The following IFI35 variants were observed in gnomAD, a reference collection of about 807,000 sequenced individuals.
IFI35 encodes interferon-induced 35 kDa protein.
In IFI35, 30 loss-of-function variants were observed where a neutral mutation model predicts 28.6. The observed-to-expected ratio is 1.05, with a 90% CI of 0.79 to 1.43. The LOEUF (loss-of-function observed/expected upper bound fraction) is 1.43. Among genes scored for constraint, IFI35 ranks in the 40% most tolerant of loss-of-function variants. IFI35 has a pLI of 0.00. For synonymous variants in IFI35, 146 were observed against 154.8 expected, an observed-to-expected ratio of 0.94 and a Z score of 0.42; for missense variants, 372 against 356.9, an observed-to-expected ratio of 1.04 and a Z score of -0.34.
rs200716829 is a variant in IFI35, at chr17:43,013,893, G to A, written c.669+11G>A. On this transcript the variant is annotated intron_variant, in intron 6 of 6. Coordinates refer to ENST00000415816, the MANE Select transcript of IFI35 (RefSeq NM_001330230.2). ...ATCCAGAAGGCTGAGGTAAGCAGGA[G>A]GGGTGAAGAACAGGGGCTGGGCTGG... 6.0e-5 allele frequency: 94 copies of A among 1,562,756 alleles called. No homozygotes were observed. The highest frequency in any genetic ancestry group is 7.8e-5 in the Non-Finnish European group (90 of 1,147,428).
chr17:43,012,354 C>G (rs1314104231), intron 2 of IFI35, 77 bp downstream of exon 2: 1 of 1,071,814 alleles, frequency 9.3e-7, no homozygotes, highest in Admixed American at 2.2e-5. Context: ...CCTGTAAACC[C>G]AGCACTTTGG....
At chr17:43,012,637 C>T in intron 2 of IFI35, 1 of 230,042 alleles carries the variant, frequency 4.3e-6, no homozygotes. Flanking sequence ...ACTTGGGAGG[C>T]TGAGTCCGAA....
Position 43,006,865 on chromosome 17 carries a change from AC to A in IFI35, c.-82del. ...GAGAGACCACAGCCCTTTGGGGGGTACAAACAAGAGTTCAGTTGCTGTGAAT... is the reference window on the plus strand; with the variant it reads ...GAGAGACCACAGCCCTTTGGGGGGTAAAACAAGAGTTCAGTTGCTGTGAAT... On this transcript the variant is annotated 5_prime_UTR_variant, in exon 1 of 7. Transcript: ENST00000415816. 1.4e-6 allele frequency: 2 copies of A among 1,480,598 alleles called. No homozygotes were observed. The highest frequency in any genetic ancestry group is 2.3e-5 in the East Asian group (1 of 44,194). The allele number at this position is 1,480,598 out of a possible 1,614,324, so 91.7% of individuals were successfully genotyped here.
chr17:43,013,973 C>A, intron 6 of IFI35, 91 bp downstream of exon 6: 1 of 1,281,968 alleles, frequency 7.8e-7, no homozygotes, highest in East Asian at 2.4e-5. Context: ...GGCCCCAAAC[C>A]CCACTGACCT....
chr17:43,010,630 T>G (rs2050450093), intron 1 of IFI35, among the ~76,000 whole-genome samples: 1 of 152,232 alleles, frequency 6.6e-6, no homozygotes, highest in Admixed American at 6.5e-5. Flanking sequence ...TTTTTCACTA[T>G]TCATAAACCA....
intron 2 of IFI35, 22 bp from the exon 3 acceptor site, chr17:43,013,025 T>C: frequency 6.2e-7 from 1 of 1,611,424 alleles, no homozygotes; most frequent in Non-Finnish European, 8.5e-7. Context: ...GGAACACTCC[T>C]ACTCCCCTCC....
At chr17:43,013,910 C>T (rs777779265) in intron 6 of IFI35, 28 bp downstream of exon 6, 9 of 1,501,820 alleles carry the variant, frequency 6.0e-6, no homozygotes, top group Non-Finnish European at 8.2e-6. Context: ...AGAACAGGGG[C>T]TGGGCTGGGT....
In IFI35 at chr17:43,014,110, C is replaced by T; in HGVS notation, c.672C>T (p.Ile224=). 1.2e-6 allele frequency: 2 copies of T among 1,613,674 alleles called. No homozygotes were observed. The highest frequency in any genetic ancestry group is 1.1e-5 in the South Asian group (1 of 91,042). Residue 224 remains isoleucine, a splice_region_variant and synonymous_variant, in exon 7 of 7, where the codon ATC becomes ATT. Transcript: ENST00000415816. Reference sequence around the variant, plus strand: ...CCATCTCCTGGCTCCTTTTCCAGATCAGGTCGCAGCCAGTTCCCCGCTCGG... The same window carrying T: ...CCATCTCCTGGCTCCTTTTCCAGATTAGGTCGCAGCCAGTTCCCCGCTCGG... The part of the protein sequence containing the change: ...YVNGEIQKAE[I]RSQPVPRSVL...
intron 2 of IFI35, 109 bp from the exon 3 acceptor site, chr17:43,012,938 T>A (rs947587253): frequency 2.5e-6 from 3 of 1,195,842 alleles, no homozygotes; most frequent in Admixed American, 2.1e-5. Context: ...AGCTTTTCTT[T>A]CAGTAAATGT....
chr17:43,013,585 C>G lies in IFI35; in HGVS notation c.485C>G (p.Thr162Ser), dbSNP rs1215435767. Residue 162 changes from threonine to serine, a missense_variant, in exon 5 of 7, where the codon ACT (threonine) becomes AGT (serine). Physicochemically the swap from Thr to Ser is moderately conservative, Grantham distance 58. Transcript: ENST00000415816. ...AAGCTAGAGATCTTCTTTGGCAAGA[C>G]TAGGAACGGAGGTGGCGATGTGGAC... ...LDKLEIFFGK[T>S]RNGGGDVDVR... 4 of 1,614,026 alleles carry G rather than the reference C, an allele frequency of 2.5e-6. No individual in the cohort carries two copies. The African/African-American group carries it at 4.0e-5, about 16-fold the overall frequency.
chr17:43,009,578 C>T (rs1191106155), intron 1 of IFI35, among the ~76,000 whole-genome samples: 4 of 151,868 alleles, frequency 2.6e-5, no homozygotes, highest in Non-Finnish European at 5.9e-5. Flanking sequence ...CATGGTGAAA[C>T]CCCATCTCTA....
intron 1 of IFI35, among the ~76,000 whole-genome samples, chr17:43,007,261 T>C (rs1308907702): frequency 6.6e-6 from 1 of 152,138 alleles, no homozygotes; most frequent in Non-Finnish European, 1.5e-5. Flanking sequence ...TAACAATTGT[T>C]CTAGGCCGGG....
At chr17:43,009,962 G>A (rs1204864996) in intron 1 of IFI35, among the ~76,000 whole-genome samples, 2 of 149,636 alleles carry the variant, frequency 1.3e-5, no homozygotes, top group Non-Finnish European at 3.0e-5. Flanking sequence ...AGGGCTGGGC[G>A]CGGTGTCTCA....
At chr17:43,013,752 C>T (rs2050490060) in intron 5 of IFI35, 24 bp from the exon 6 acceptor site, 1 of 1,609,992 alleles carries the variant, frequency 6.2e-7, no homozygotes, top group Non-Finnish European at 8.5e-7. Flanking sequence ...ATGCTAAAGG[C>T]CCACCCCTCC....
chr17:43,009,949 T>G (rs1479496145), intron 1 of IFI35, among the ~76,000 whole-genome samples: 1 of 132,254 alleles, frequency 7.6e-6, no homozygotes, highest in Non-Finnish European at 1.6e-5. Flanking sequence ...GAAAAAAAAA[T>G]AGAGGGCTGG....
chr17:43,007,408 G>A (rs961527690), intron 1 of IFI35, among the ~76,000 whole-genome samples: 3 of 151,580 alleles, frequency 2.0e-5, no homozygotes, highest in African/African-American at 4.9e-5. Context: ...GGGAGGCTGA[G>A]ACAGGAGAAT....
chr17:43,010,662 GTA>G (rs2050450285), intron 1 of IFI35, among the ~76,000 whole-genome samples: 1 of 152,156 alleles, frequency 6.6e-6, no homozygotes, highest in African/African-American at 2.4e-5. Flanking sequence ...TCAAGCTCTA[GTA>G]TTCTTCTGCT....
intron 1 of IFI35, among the ~76,000 whole-genome samples, chr17:43,010,489 A>T (rs1302788928): frequency 3.9e-5 from 6 of 152,224 alleles, no homozygotes; most frequent in African/African-American, 1.4e-4. Context: ...TGCTCTTCCC[A>T]GTGCGTCAGA....
At position 43,013,663 on chromosome 17, in the gene IFI35, G is replaced by T; in HGVS notation, c.562+1G>T. On this transcript the variant is annotated splice_donor_variant, in intron 5 of 6. Coordinates refer to ENST00000415816, the MANE Select transcript of IFI35 (RefSeq NM_001330230.2). LOFTEE classifies it high-confidence loss of function. ...ATGCTGGGGTTTGCTAGGGATGGAG[G>T]TGAGGGCTATGCAGGCCTCCTGCAG... The T allele has an allele frequency of 6.2e-7, 1 of 1,613,970 alleles. No homozygotes were observed. The highest frequency in any genetic ancestry group is 8.5e-7 in the Non-Finnish European group (1 of 1,179,906).
Sources: allele counts gnomAD v4.1 joint callset (sites outside exome capture counted in the v4.1 genomes callset), GRCh38; gene constraint gnomAD v4.1.1; transcripts MANE v1.5; gene names NCBI Gene and HGNC (gene_info 2026-07-23, HGNC 2026-07-21).